MIS18A: variants seen among roughly 807,000 people sequenced by gnomAD.
The protein encoded by MIS18A is protein Mis18-alpha.
MIS18A carries 14 observed loss-of-function variants against 25.0 expected under a neutral mutation model. The observed-to-expected ratio is 0.56, with a 90% confidence interval of 0.37 to 0.88. The LOEUF (loss-of-function observed/expected upper bound fraction) is 0.88, where lower values mean the gene tolerates loss of function less well. Among genes scored for constraint, MIS18A ranks in the 40% least tolerant of loss-of-function variants. The probability of loss-of-function intolerance (pLI) is 0.00; values close to 1 mark genes in which losing one functional copy is unlikely to be tolerated. For missense variants in MIS18A, 292 were observed against 290.8 expected, an observed-to-expected ratio of 1.00 and a Z score of -0.03; for synonymous variants, 134 against 118.6, an observed-to-expected ratio of 1.13 and a Z score of -0.84.
chr21:32,187,690 C>T, the MIS18A span, among the ~76,000 whole-genome samples: 3 of 152,258 alleles, frequency 2.0e-5, no homozygotes, highest in South Asian at 4.1e-4. Context: ...GATCTGGACT[C>T]TAATAGGAAG....
the MIS18A span, among the ~76,000 whole-genome samples, chr21:32,258,309 C>A: frequency 6.6e-6 from 1 of 151,792 alleles, no homozygotes; most frequent in Non-Finnish European, 1.5e-5. Context: ...GGGACGAATA[C>A]CGAAAAAGCT....
At chr21:32,162,959 C>G in the MIS18A span, among the ~76,000 whole-genome samples, 1 of 152,116 alleles carries the variant, frequency 6.6e-6, no homozygotes, top group African/African-American at 2.4e-5. Flanking sequence ...GGCTTAATCT[C>G]AGTATCTAAG....
chr21:32,162,034 C>T, the MIS18A span, among the ~76,000 whole-genome samples: 1 of 152,076 alleles, frequency 6.6e-6, no homozygotes, highest in Non-Finnish European at 1.5e-5. Flanking sequence ...CTAATTCTCT[C>T]AACACCATTT....
At chr21:32,158,569 A>C in the MIS18A span, among the ~76,000 whole-genome samples, 10,382 of 151,488 alleles carry the variant, frequency 0.069, 400 homozygotes, top group African/African-American at 0.093. Flanking sequence ...CCGCCTCCTG[A>C]GTTCAAGTGA....
the MIS18A span, among the ~76,000 whole-genome samples, chr21:32,245,769 TG>T: frequency 6.6e-6 from 1 of 152,236 alleles, no homozygotes; most frequent in Non-Finnish European, 1.5e-5. Flanking sequence ...TTCCTATTCC[TG>T]ATCTTTCCTT....
At chr21:32,191,771 G>A in the MIS18A span, among the ~76,000 whole-genome samples, 1 of 152,134 alleles carries the variant, frequency 6.6e-6, no homozygotes, top group East Asian at 1.9e-4. Flanking sequence ...AGAGCGTTGT[G>A]GCGGGTGCCT....
At chr21:32,240,884 A>C in the MIS18A span, among the ~76,000 whole-genome samples, 1 of 152,122 alleles carries the variant, frequency 6.6e-6, no homozygotes, top group African/African-American at 2.4e-5. Context: ...ATTTATTTGC[A>C]GTTTATTTTT....
At chr21:32,200,765 G>A in the MIS18A span, among the ~76,000 whole-genome samples, 2 of 152,058 alleles carry the variant, frequency 1.3e-5, no homozygotes, top group South Asian at 4.2e-4. Context: ...AAATTAAGGA[G>A]ATGTGATGTA....
chr21:32,266,439 G>GT (rs1333882911), downstream of MIS18A, among the ~76,000 whole-genome samples: 1 of 149,078 alleles, frequency 6.7e-6, no homozygotes, highest in African/African-American at 2.6e-5. Flanking sequence ...TGGAAGCTTT[G>GT]TTTTTTCGCT....
chr21:32,180,310 C>A, the MIS18A span, among the ~76,000 whole-genome samples: 4 of 152,114 alleles, frequency 2.6e-5, no homozygotes, highest in Non-Finnish European at 5.9e-5. Context: ...CTCTCTTCAT[C>A]CAAAAAACAG....
At chr21:32,238,986 T>C in the MIS18A span, among the ~76,000 whole-genome samples, 1 of 152,232 alleles carries the variant, frequency 6.6e-6, no homozygotes, top group Non-Finnish European at 1.5e-5. Flanking sequence ...ACATAAGAGA[T>C]ACGGATTCCA....
the MIS18A span, among the ~76,000 whole-genome samples, chr21:32,196,459 C>CTTT: frequency 2.3e-5 from 3 of 131,018 alleles, no homozygotes; most frequent in African/African-American, 5.7e-5. Flanking sequence ...GAGCTAATGT[C>CTTT]TTTTTTTTTT....
At chr21:32,253,974 C>T in the MIS18A span, among the ~76,000 whole-genome samples, 5 of 152,186 alleles carry the variant, frequency 3.3e-5, no homozygotes, top group Admixed American at 6.5e-5. Context: ...CGGTGGCTCA[C>T]GCCTGTAATT....
At chr21:32,211,249 C>G in the MIS18A span, among the ~76,000 whole-genome samples, 4 of 152,196 alleles carry the variant, frequency 2.6e-5, no homozygotes, top group Non-Finnish European at 4.4e-5. Context: ...ACATGTTGGT[C>G]AGGCTGGTCT....
the MIS18A span, among the ~76,000 whole-genome samples, chr21:32,244,972 C>A: frequency 6.6e-6 from 1 of 152,094 alleles, no homozygotes; most frequent in African/African-American, 2.4e-5. Context: ...CTTTAGGCAG[C>A]AATTTAAATT....
chr21:32,205,097 C>CTTTTTTTTTT, the MIS18A span, among the ~76,000 whole-genome samples: 5 of 66,182 alleles, frequency 7.6e-5, no homozygotes, highest in Non-Finnish European at 1.3e-4. Flanking sequence ...AGAACTTGTC[C>CTTTTTTTTTT]TTTTTTTTTT....
the MIS18A span, among the ~76,000 whole-genome samples, chr21:32,173,406 A>G: frequency 6.6e-6 from 1 of 152,236 alleles, no homozygotes; most frequent in South Asian, 2.1e-4. Context: ...AATGTTAAGC[A>G]TAGAGTTATT....
downstream of MIS18A, among the ~76,000 whole-genome samples, chr21:32,265,513 T>C (rs539213249): frequency 1.3e-5 from 2 of 152,322 alleles, no homozygotes; most frequent in East Asian, 3.9e-4. Context: ...CCCCCAGCAG[T>C]GCCGGCCCAC....
chr21:32,248,203 T>TA, the MIS18A span, among the ~76,000 whole-genome samples: 1 of 152,320 alleles, frequency 6.6e-6, no homozygotes, highest in East Asian at 1.9e-4. Flanking sequence ...TGGGTTTTGT[T>TA]ACTTGCAACC....
Sources: allele counts gnomAD v4.1 joint callset (sites outside exome capture counted in the v4.1 genomes callset), GRCh38; gene constraint gnomAD v4.1.1; transcripts MANE v1.5; gene names NCBI Gene and HGNC (gene_info 2026-07-23, HGNC 2026-07-21).